The following LUZP2 variants were observed in gnomAD, a reference collection of about 807,000 sequenced individuals.
LUZP2 encodes the protein leucine zipper protein 2.
LUZP2 carries 52 observed loss-of-function variants against 51.6 expected under a neutral mutation model. The ratio of observed to expected loss-of-function variants is 1.01; its 90% confidence interval spans 0.81 to 1.27. The LOEUF is 1.27. Among genes scored for constraint, LUZP2 ranks in the 50% most tolerant of loss-of-function variants. The pLI, the probability that LUZP2 is intolerant of heterozygous loss-of-function variation, is 0.00. For missense variants in LUZP2, 436 were observed against 395.4 expected (o/e 1.10, Z -0.87); for synonymous variants, 154 against 137.3 (o/e 1.12, Z -0.85).
At position 24,715,929 on chromosome 11, in the gene LUZP2, G is replaced by A. The variant is rs1433810855; in HGVS notation, c.63-13240G>A. Among the ~76,000 whole-genome samples the A allele has an allele frequency of 3.3e-5, 5 of 151,980 alleles. No homozygotes were observed. The South Asian group carries it at 8.3e-4, about 25-fold the overall frequency. On this transcript the variant is annotated intron_variant, in intron 1 of 11. Transcript: ENST00000336930. ...TTCATCAATGATATCTAGGGTTGAC[G>A]ACTATTTTCATCATTTACTATCTGT...
intron 1 of LUZP2, among the ~76,000 whole-genome samples, chr11:24,531,353 C>T (rs1437160948): frequency 6.6e-6 from 1 of 150,582 alleles, no homozygotes; most frequent in African/African-American, 2.4e-5. Context: ...TGTGATATTT[C>T]AATATATGAA....
intron 1 of LUZP2, among the ~76,000 whole-genome samples, chr11:24,684,474 G>A (rs1856839193): frequency 6.6e-6 from 1 of 152,090 alleles, no homozygotes; most frequent in Non-Finnish European, 1.5e-5. Context: ...GGTTTCTTAG[G>A]ACTAATCCAA....
intron 5 of LUZP2, among the ~76,000 whole-genome samples, chr11:24,852,029 G>A (rs77157527): frequency 0.023 from 3,439 of 152,124 alleles, 140 homozygotes; most frequent in African/African-American, 0.078. Context: ...CTGGCTAGCA[G>A]TATGTCTATT....
intron 7 of LUZP2, among the ~76,000 whole-genome samples, chr11:24,921,238 A>G (rs1204197256): frequency 6.6e-6 from 1 of 152,128 alleles, no homozygotes; most frequent in African/African-American, 2.4e-5. Context: ...AAGAGGAACC[A>G]CATGTGCGGC....
At chr11:24,786,561 T>C (rs1047495798) in intron 5 of LUZP2, 1 of 355,164 alleles carries the variant, frequency 2.8e-6, no homozygotes, top group Non-Finnish European at 3.9e-6. Flanking sequence ...CAGGTGTATA[T>C]AATTATATAA....
At chr11:24,974,784 A>C (rs1418022543) in intron 7 of LUZP2, among the ~76,000 whole-genome samples, 1 of 29,850 alleles carries the variant, frequency 3.4e-5, no homozygotes, top group Non-Finnish European at 2.3e-4. Flanking sequence ...TAAACTTAGC[A>C]CTTTCGAGGT....
chr11:24,882,606 C>A (rs1447143462), intron 5 of LUZP2, among the ~76,000 whole-genome samples: 1 of 151,988 alleles, frequency 6.6e-6, no homozygotes. Context: ...TATGTCTATT[C>A]CTTCCTCCCT....
chr11:24,817,800 T>G (rs1292978315), intron 5 of LUZP2, among the ~76,000 whole-genome samples: 1 of 152,064 alleles, frequency 6.6e-6, no homozygotes, highest in Non-Finnish European at 1.5e-5. Context: ...GAAATGGTAT[T>G]ACTAAGTGCA....
At chr11:24,927,890 G>C (rs535749981) in intron 7 of LUZP2, among the ~76,000 whole-genome samples, 4 of 151,990 alleles carry the variant, frequency 2.6e-5, no homozygotes, top group Admixed American at 6.6e-5. Context: ...CTTTTCATTT[G>C]TTTGTTTTGT....
At chr11:24,612,861 G>A (rs1371174513) in intron 1 of LUZP2, among the ~76,000 whole-genome samples, 1 of 151,990 alleles carries the variant, frequency 6.6e-6, no homozygotes, top group East Asian at 1.9e-4. Flanking sequence ...TCTTTAGGGA[G>A]GTGCATCTTT....
chr11:24,869,837 G>C (rs1852003956), intron 5 of LUZP2, among the ~76,000 whole-genome samples: 2 of 152,092 alleles, frequency 1.3e-5, no homozygotes, highest in African/African-American at 4.8e-5. Flanking sequence ...GAAAGAAAGA[G>C]TCGCAAGTCT....
chr11:24,562,699 C>CAA (rs10692762), intron 1 of LUZP2, among the ~76,000 whole-genome samples: 4,107 of 138,772 alleles, frequency 0.03, 160 homozygotes, highest in African/African-American at 0.086. Context: ...TGAAAAAATA[C>CAA]AAAAAAAAAA....
At chr11:24,810,256 A>G (rs1191710230) in intron 5 of LUZP2, among the ~76,000 whole-genome samples, 3 of 152,176 alleles carry the variant, frequency 2.0e-5, no homozygotes, top group Middle Eastern at 3.2e-3. Context: ...TTTTATACAT[A>G]TATTTACCCA....
At chr11:24,589,977 G>A (rs1853202815) in intron 1 of LUZP2, among the ~76,000 whole-genome samples, 1 of 152,056 alleles carries the variant, frequency 6.6e-6, no homozygotes, top group Admixed American at 6.6e-5. Context: ...TGATATTATA[G>A]TTATGGTTTC....
At chr11:24,818,256 A>C (rs565211317) in intron 5 of LUZP2, among the ~76,000 whole-genome samples, 1 of 152,110 alleles carries the variant, frequency 6.6e-6, no homozygotes, top group Non-Finnish European at 1.5e-5. Context: ...GCAAGACAAC[A>C]AACGTGGTTT....
chr11:24,985,616 C>T (rs553091864), intron 9 of LUZP2, among the ~76,000 whole-genome samples: 2 of 151,694 alleles, frequency 1.3e-5, no homozygotes, highest in South Asian at 4.2e-4. Context: ...ATTGTCATGA[C>T]CTAGTGACTA....
At chr11:24,986,606 A>T (rs1174082044) in intron 9 of LUZP2, among the ~76,000 whole-genome samples, 1 of 151,228 alleles carries the variant, frequency 6.6e-6, no homozygotes, top group African/African-American at 2.4e-5. Flanking sequence ...TATAGATAAT[A>T]TACAAAAAAA....
chr11:24,507,447 C>G (rs977580914), intron 1 of LUZP2, among the ~76,000 whole-genome samples: 4 of 152,008 alleles, frequency 2.6e-5, no homozygotes, highest in Admixed American at 2.6e-4. Flanking sequence ...CTGCTTTTAT[C>G]AGTCAATTTA....
chr11:24,829,564 A>G (rs111608523), intron 5 of LUZP2, among the ~76,000 whole-genome samples: 83 of 152,308 alleles, frequency 5.4e-4, no homozygotes, highest in African/African-American at 1.9e-3. Context: ...TCTGTTGCAC[A>G]AAGAGGGTTA....
Sources: gnomAD v4.1 joint callset for allele counts (sites outside exome capture counted in the v4.1 genomes callset) on GRCh38, gnomAD v4.1.1 for gene constraint, MANE v1.5 for transcripts, NCBI Gene and HGNC (gene_info 2026-07-23, HGNC 2026-07-21) for gene names.